The following PDE1A variants were observed in gnomAD, a reference collection of about 807,000 sequenced individuals.
PDE1A encodes phosphodiesterase 1A, also known as dual specificity calcium/calmodulin-dependent 3',5'-cyclic nucleotide phosphodiesterase 1A.
In PDE1A, 35 loss-of-function variants were observed where a neutral mutation model predicts 61.7. The observed-to-expected ratio is 0.57, with a 90% confidence interval of 0.43 to 0.75. The LOEUF (loss-of-function observed/expected upper bound fraction) is 0.75. Among genes scored for constraint, PDE1A ranks in the 30% least tolerant of loss-of-function variants. PDE1A has a pLI of 0.00. For missense variants in PDE1A, 597 were observed against 630.6 expected, an observed-to-expected ratio of 0.95 and a Z score of 0.57; for synonymous variants, 232 against 213.2, an observed-to-expected ratio of 1.09 and a Z score of -0.77.
At chr2:182,602,402 G>A in the PDE1A span, among the ~76,000 whole-genome samples, 2 of 152,300 alleles carry the variant, frequency 1.3e-5, no homozygotes, top group Non-Finnish European at 1.5e-5. Context: ...TATCACCCCA[G>A]TCAACATCCA....
the PDE1A span, among the ~76,000 whole-genome samples, chr2:182,591,981 T>G: frequency 6.6e-6 from 1 of 152,170 alleles, no homozygotes; most frequent in Admixed American, 6.5e-5. Flanking sequence ...CTCTGAAGAG[T>G]GCACTCCTGA....
At chr2:182,475,374 C>T (rs553739241) in intron 2 of PDE1A, among the ~76,000 whole-genome samples, 1 of 152,012 alleles carries the variant, frequency 6.6e-6, no homozygotes, top group South Asian at 2.1e-4. Flanking sequence ...AATTGAGGGT[C>T]TCCCCATTCC....
At chr2:182,328,334 C>A (rs1046855148) in intron 1 of PDE1A, among the ~76,000 whole-genome samples, 1 of 152,198 alleles carries the variant, frequency 6.6e-6, no homozygotes, top group Middle Eastern at 3.4e-3. Context: ...TGGTGTGAAT[C>A]ATTTAAAAGT....
intron 1 of PDE1A, among the ~76,000 whole-genome samples, chr2:182,398,635 C>A (rs889142210): frequency 6.6e-6 from 1 of 151,884 alleles, no homozygotes; most frequent in African/African-American, 2.4e-5. Context: ...GTCCACTGAG[C>A]CTTCAGAGGT....
intron 10 of PDE1A, among the ~76,000 whole-genome samples, chr2:182,199,405 T>C (rs1316844183): frequency 6.6e-6 from 1 of 152,076 alleles, no homozygotes; most frequent in Non-Finnish European, 1.5e-5. Flanking sequence ...CAGATATAAC[T>C]TACTTTATTA....
the PDE1A span, among the ~76,000 whole-genome samples, chr2:182,555,668 T>C: frequency 6.6e-6 from 1 of 152,098 alleles, no homozygotes; most frequent in Non-Finnish European, 1.5e-5. Context: ...TAATATTCTT[T>C]AAGAATGTCA....
exon 10 of PDE1A, chr2:182,201,514 G>A (rs1305464376): frequency 6.2e-7 from 1 of 1,614,060 alleles, no homozygotes. Context: ...GGTGGCTGAT[G>A]TCTGCTGCGT....
chr2:182,647,924 A>G, the PDE1A span, among the ~76,000 whole-genome samples: 20,367 of 152,116 alleles, frequency 0.13, 1,883 homozygotes, highest in African/African-American at 0.26. Context: ...CTGAGGAAAA[A>G]AAAAGGCACA....
At chr2:182,709,733 GT>G in the PDE1A span, among the ~76,000 whole-genome samples, 6 of 152,174 alleles carry the variant, frequency 3.9e-5, no homozygotes, top group Non-Finnish European at 2.9e-5. Flanking sequence ...GTTGTATTGA[GT>G]TTTGATTTAT....
chr2:182,424,827 C>T (rs942958593), intron 1 of PDE1A, among the ~76,000 whole-genome samples: 4 of 152,334 alleles, frequency 2.6e-5, no homozygotes, highest in Non-Finnish European at 5.9e-5. Flanking sequence ...CCTGCTCTCA[C>T]ATACAGCTTT....
rs1695746719 is a variant in PDE1A, at chr2:182,308,487, G to A, written c.54-44073C>T. On this transcript the variant is annotated intron_variant, in intron 1 of 13. Coordinates refer to ENST00000351439, the Ensembl canonical transcript of PDE1A. The stretch of plus-strand genomic sequence containing the variant: ...TATAAAGCAAATCTTGGTATAATAA[G>A]CAACTATAAATTAAGTAAATCCATA... Among the ~76,000 whole-genome samples the A allele has an allele frequency of 3.3e-5, 5 of 151,976 alleles. No individual in the cohort carries two copies. The South Asian group carries it at 1.0e-3, about 31-fold the overall frequency.
At chr2:182,623,412 T>A in the PDE1A span, among the ~76,000 whole-genome samples, 3 of 152,088 alleles carry the variant, frequency 2.0e-5, no homozygotes, top group Non-Finnish European at 2.9e-5. Flanking sequence ...AAAAAAAACA[T>A]TAAAGCAGTT....
chr2:182,694,196 G>T, the PDE1A span, among the ~76,000 whole-genome samples: 1 of 152,138 alleles, frequency 6.6e-6, no homozygotes. Context: ...TTACCATGTG[G>T]ATATCCAGGT....
At chr2:182,300,999 AT>A (rs1324481844) in intron 1 of PDE1A, among the ~76,000 whole-genome samples, 1 of 152,030 alleles carries the variant, frequency 6.6e-6, no homozygotes, top group Non-Finnish European at 1.5e-5. Flanking sequence ...AAGAGCAGTA[AT>A]TTTTCATTAT....
chr2:182,457,064 C>G (rs1333542230), intron 2 of PDE1A, among the ~76,000 whole-genome samples: 2 of 152,048 alleles, frequency 1.3e-5, no homozygotes, highest in Non-Finnish European at 2.9e-5. Context: ...ACCAGACAGT[C>G]TGGACTGATT....
chr2:182,684,191 T>A, the PDE1A span, among the ~76,000 whole-genome samples: 1 of 147,132 alleles, frequency 6.8e-6, no homozygotes, highest in South Asian at 2.1e-4. Context: ...CTAAAAAAAA[T>A]TATATAAAAA....
At chr2:182,337,664 C>T (rs995632608) in intron 1 of PDE1A, among the ~76,000 whole-genome samples, 2 of 152,086 alleles carry the variant, frequency 1.3e-5, no homozygotes, top group Non-Finnish European at 2.9e-5. Flanking sequence ...TTCCTTTCCC[C>T]ATCCATGGTC....
chr2:182,572,275 TGAG>T, the PDE1A span, among the ~76,000 whole-genome samples: 3 of 152,176 alleles, frequency 2.0e-5, no homozygotes, highest in African/African-American at 7.2e-5. Flanking sequence ...TAAAGAAGAA[TGAG>T]GAGAAAATTC....
chr2:182,235,134 T>C (rs1233414374), intron 3 of PDE1A, among the ~76,000 whole-genome samples: 2 of 152,158 alleles, frequency 1.3e-5, no homozygotes, highest in East Asian at 3.9e-4. Flanking sequence ...TTTGTTTTTG[T>C]TTTTGTTTTG....
Sources: gnomAD v4.1 joint callset for allele counts (sites outside exome capture counted in the v4.1 genomes callset) on GRCh38, gnomAD v4.1.1 for gene constraint, MANE v1.5 for transcripts, NCBI Gene and HGNC (gene_info 2026-07-23, HGNC 2026-07-21) for gene names.